The following COL4A4 variants were observed in gnomAD, a reference collection of about 807,000 sequenced individuals.
The protein encoded by COL4A4 is collagen type IV alpha 4 chain, also known as collagen alpha-4(IV) chain.
A neutral mutation model predicts 192.9 loss-of-function variants in COL4A4; 105 were observed. That is an observed-to-expected ratio of 0.54 (90% confidence interval 0.46 to 0.64). The LOEUF (loss-of-function observed/expected upper bound fraction) is 0.64. Among genes scored for constraint, COL4A4 ranks in the 30% least tolerant of loss-of-function variants. The pLI is 0.00. For missense variants in COL4A4, 1,967 were observed against 2,169.3 expected, an observed-to-expected ratio of 0.91 and a Z score of 1.85; for synonymous variants, 762 against 769.9, an observed-to-expected ratio of 0.99 and a Z score of 0.17.
intron 1 of COL4A4, among the ~76,000 whole-genome samples, chr2:227,157,605 T>C (rs1224393092): frequency 1.3e-5 from 2 of 151,932 alleles, no homozygotes; most frequent in Non-Finnish European, 2.9e-5. Flanking sequence ...AAAAAGATAA[T>C]TAGAGAATCT....
intron 4 of COL4A4, among the ~76,000 whole-genome samples, chr2:227,137,068 A>G (rs991360999): frequency 3.9e-5 from 6 of 152,224 alleles, no homozygotes; most frequent in African/African-American, 1.4e-4. Flanking sequence ...CATCTCAGGA[A>G]GACCACAGGC....
chr2:227,068,432 C>T (rs935328228), intron 25 of COL4A4, among the ~76,000 whole-genome samples: 5 of 152,208 alleles, frequency 3.3e-5, no homozygotes, highest in African/African-American at 4.8e-5. Flanking sequence ...GAATTTTAGA[C>T]CAATATCCTT....
chr2:227,097,470 G>T (rs1014027777), intron 19 of COL4A4, among the ~76,000 whole-genome samples: 1 of 152,124 alleles, frequency 6.6e-6, no homozygotes, highest in African/African-American at 2.4e-5. Flanking sequence ...TCATAGTCAA[G>T]ATTTGAAAGC....
chr2:227,118,790 A>T (rs2061621498), intron 6 of COL4A4, 29 bp from the exon 7 acceptor site: 1 of 1,492,614 alleles, frequency 6.7e-7, no homozygotes. Flanking sequence ...TAAGTGAAGC[A>T]TTTTTGCGAA....
At chr2:227,108,986 A>G (rs2061019751) in intron 10 of COL4A4, 118 bp from the exon 11 acceptor site, 1 of 1,066,366 alleles carries the variant, frequency 9.4e-7, no homozygotes. Context: ...TAAAACATGC[A>G]GTGATGGAGT....
At chr2:227,007,869 C>T in intron 47 of COL4A4, 149 bp downstream of exon 47, 3 of 987,960 alleles carry the variant, frequency 3.0e-6, no homozygotes, top group Non-Finnish European at 4.5e-6. Flanking sequence ...GGCCCTGCAT[C>T]CCAACAGGCT....
the COL4A4 span, among the ~76,000 whole-genome samples, chr2:226,980,951 A>G: frequency 6.6e-6 from 1 of 152,180 alleles, no homozygotes; most frequent in Non-Finnish European, 1.5e-5. Flanking sequence ...AGCAGAGACC[A>G]TTTTAAAATA....
intron 22 of COL4A4, among the ~76,000 whole-genome samples, chr2:227,084,736 G>A (rs190357261): frequency 2.0e-5 from 3 of 152,224 alleles, no homozygotes; most frequent in Non-Finnish European, 2.9e-5. Context: ...TGGGGCAAAG[G>A]TTCTCAGCAG....
chr2:227,138,866 T>C (rs2063003886), intron 4 of COL4A4, among the ~76,000 whole-genome samples: 1 of 152,168 alleles, frequency 6.6e-6, no homozygotes, highest in Admixed American at 6.5e-5. Flanking sequence ...TTGTGGGTAG[T>C]GTTTTGTGTC....
Position 227,080,438 on chromosome 2 carries a change from C to T in COL4A4, c.1803+5G>A, listed in dbSNP as rs1322768757. 1 of 1,610,500 alleles carries T rather than the reference C, an allele frequency of 6.2e-7. No homozygotes were observed. The highest frequency in any genetic ancestry group is 1.1e-5 in the South Asian group (1 of 91,002). On this transcript the variant is annotated splice_donor_5th_base_variant and intron_variant, in intron 24 of 47. Coordinates refer to ENST00000396625, the MANE Select transcript of COL4A4 (RefSeq NM_000092.5). ...ATTCTATAGCAAGAGAAGAATTCTACATACTGGAGGTCCTGGATCCCCTTT... is the reference window on the plus strand; with the variant it reads ...ATTCTATAGCAAGAGAAGAATTCTATATACTGGAGGTCCTGGATCCCCTTT...
chr2:227,100,531 TA>T (rs2060450903), intron 17 of COL4A4, among the ~76,000 whole-genome samples: 2 of 152,190 alleles, frequency 1.3e-5, no homozygotes, highest in South Asian at 4.1e-4. Context: ...AGATTATAAG[TA>T]ACCTAGAGAT....
chr2:227,041,858 G>A (rs1971366776), intron 37 of COL4A4, among the ~76,000 whole-genome samples: 2 of 98,510 alleles, frequency 2.0e-5, no homozygotes, highest in African/African-American at 4.8e-5. Context: ...GAGAAAGAAA[G>A]AAAGAAAGAA....
chr2:227,052,170 G>A (rs746861385), intron 32 of COL4A4, 135 bp downstream of exon 32: 20 of 624,978 alleles, frequency 3.2e-5, no homozygotes, highest in African/African-American at 1.8e-4. Flanking sequence ...CAGCCTGGGC[G>A]ACAAGAGCAA....
chr2:227,146,193 G>C (rs995015543), intron 2 of COL4A4, among the ~76,000 whole-genome samples: 2 of 152,136 alleles, frequency 1.3e-5, no homozygotes, highest in East Asian at 3.9e-4. Context: ...GGGCCAGCTC[G>C]GGTCAGGTCC....
rs548334246 is a variant in COL4A4 at position 227,067,672 on chromosome 2, G to T, written c.1988-5074C>A. Among the ~76,000 whole-genome samples the T allele has an allele frequency of 3.5e-3, 540 of 152,194 alleles. 1 individual carries two copies. The highest frequency in any genetic ancestry group is 6.0e-3 in the Non-Finnish European group (411 of 68,020). ...TAAAGATGTTCTTTGAAACCAACGAGAACAAAGACACAACATACCAGAATC... is the reference window on the plus strand; with the variant it reads ...TAAAGATGTTCTTTGAAACCAACGATAACAAAGACACAACATACCAGAATC... On this transcript the variant is annotated intron_variant, in intron 25 of 47. Coordinates refer to ENST00000396625, the MANE Select transcript of COL4A4 (RefSeq NM_000092.5).
the COL4A4 span, among the ~76,000 whole-genome samples, chr2:226,977,567 G>A: frequency 1.1e-4 from 17 of 152,168 alleles, no homozygotes; most frequent in African/African-American, 3.6e-4. Flanking sequence ...ATGGTGAACC[G>A]TGAAACACCA....
At position 227,085,128 on chromosome 2, in the gene COL4A4, C is replaced by CA. The variant is rs2059525793; in HGVS notation, c.1624-2942_1624-2941insT. ...CCTGGGCGACAAGAGTGAAATTCCA[C>CA]CAAAAAAAAAAACAAAAGCAAAACG... On this transcript the variant is annotated intron_variant, in intron 22 of 47. Transcript: ENST00000396625. Among the ~76,000 whole-genome samples the CA allele has an allele frequency of 6.2e-5, 9 of 145,808 alleles. No homozygotes were observed. The South Asian group carries it at 2.0e-3, about 33-fold the overall frequency.
chr2:227,029,121 G>A (rs1559447561), intron 41 of COL4A4, among the ~76,000 whole-genome samples: 1 of 152,190 alleles, frequency 6.6e-6, no homozygotes, highest in Non-Finnish European at 1.5e-5. Context: ...ATATTCTCTG[G>A]ACTGGGAGTC....
At chr2:226,981,385 G>A in the COL4A4 span, among the ~76,000 whole-genome samples, 2 of 150,792 alleles carry the variant, frequency 1.3e-5, no homozygotes, top group African/African-American at 2.4e-5. Context: ...ATAAATAAAG[G>A]AGCTCATTGA....
Sources: gnomAD v4.1 joint callset for allele counts (sites outside exome capture counted in the v4.1 genomes callset) on GRCh38, gnomAD v4.1.1 for gene constraint, MANE v1.5 for transcripts, NCBI Gene and HGNC (gene_info 2026-07-23, HGNC 2026-07-21) for gene names.